The following MTF1 variants were observed in gnomAD, a reference collection of about 807,000 sequenced individuals.
The protein encoded by MTF1 is MRE-binding transcription factor.
Under a neutral mutation model 70.4 loss-of-function variants are expected in MTF1, and 22 were observed. The ratio of observed to expected loss-of-function variants is 0.31; its 90% CI spans 0.22 to 0.45. The LOEUF (loss-of-function observed/expected upper bound fraction) is 0.45. Ranked by LOEUF, MTF1 falls within the 20% of genes least tolerant of loss-of-function variation. The pLI is 1.00. For synonymous variants in MTF1, 333 were observed against 352.8 expected, an observed-to-expected ratio of 0.94 and a Z score of 0.63; for missense variants, 649 against 922.0, an observed-to-expected ratio of 0.70 and a Z score of 3.83.
chr1:37,818,867 C>T (rs1334274494), intron 9 of MTF1, among the ~76,000 whole-genome samples: 1 of 151,524 alleles, frequency 6.6e-6, no homozygotes, highest in Admixed American at 6.6e-5. Flanking sequence ...GTGGCGGGTG[C>T]CTGTAATCCC....
At chr1:37,827,813 G>T (rs964165125) in intron 7 of MTF1, among the ~76,000 whole-genome samples, 3 of 152,088 alleles carry the variant, frequency 2.0e-5, no homozygotes, top group Non-Finnish European at 4.4e-5. Context: ...AAGTATTTGC[G>T]GTTTTTGCCA....
chr1:37,838,797 C>CTTTTGTTTTTTTTTTTTTTTTT (rs1641209802), intron 3 of MTF1, 41 bp from the exon 4 acceptor site: 1 of 421,154 alleles, frequency 2.4e-6, no homozygotes. Flanking sequence ...TCATAAAATT[C>CTTTTGTTTTTTTTTTTTTTTTT]TTTTTTTTTT....
chr1:37,834,616 T>C (rs1016939115), intron 6 of MTF1: 1 of 456,154 alleles, frequency 2.2e-6, no homozygotes, highest in Non-Finnish European at 4.4e-6. Flanking sequence ...GGGGAAAAGG[T>C]CCTAAGAAGC....
intron 7 of MTF1, among the ~76,000 whole-genome samples, chr1:37,831,393 T>A (rs571879529): frequency 6.6e-6 from 1 of 152,328 alleles, no homozygotes; most frequent in South Asian, 2.1e-4. Context: ...TTCACAGCAT[T>A]CCTGAATCAT....
rs1641236127 is a variant in MTF1 at position 37,840,292 on chromosome 1, C to T, written c.409-134G>A. ...TTTCATCATAAACACAGAAAACAGC[C>T]TCTAGCAGCAAAGTGGAAAAACCTT... is the stretch of plus-strand genomic sequence containing the variant. On this transcript the variant is annotated intron_variant, in intron 2 of 10. Transcript: ENST00000373036. The surrounding 1 kb of genome is among the most constrained non-coding windows in gnomAD (Gnocchi z 4.5). 2.7e-6 allele frequency: 2 copies of T among 735,954 alleles called. No homozygotes were observed. The highest frequency in any genetic ancestry group is 4.6e-6 in the Non-Finnish European group (2 of 435,412). 45.6% of individuals were successfully genotyped at this position (735,954 alleles called of 1,614,324 possible). A position where few individuals can be genotyped will look rare whatever the true frequency, so the allele number is the denominator to read the frequency against.
intron 2 of MTF1, chr1:37,841,021 C>T: frequency 4.6e-6 from 1 of 218,536 alleles, no homozygotes; most frequent in Non-Finnish European, 9.2e-6. Flanking sequence ...TGGTCCAGGA[C>T]ATGAAGATCA....
Position 37,848,939 on chromosome 1 carries a change from G to T in MTF1, c.408+8312C>A, listed in dbSNP as rs569750312. Among the ~76,000 whole-genome samples the T allele has an allele frequency of 4.6e-5, 7 of 152,238 alleles. No individual in the cohort carries two copies. In the South Asian group the frequency reaches 1.4e-3, roughly 32 times the overall value. On this transcript the variant is annotated intron_variant, in intron 2 of 10. Transcript: ENST00000373036. The stretch of plus-strand genomic sequence containing the variant: ...CCACTGCCTGAGGAATTTATAATGA[G>T]GCATGAGATTGGAACTAGGTCTCCC...
rs745680625 is a variant in MTF1 at position 37,822,767 on chromosome 1, G to A, written c.1172-51C>T. On this transcript the variant is annotated intron_variant, in intron 8 of 10. Coordinates refer to ENST00000373036, the MANE Select transcript of MTF1 (RefSeq NM_005955.3). ...TATATACATATCCCAAGCCTTAGATGAGCCACAAAAACAGTCATTATGGGC... is the reference window on the plus strand; with the variant it reads ...TATATACATATCCCAAGCCTTAGATAAGCCACAAAAACAGTCATTATGGGC... The A allele has an allele frequency of 9.6e-6, 13 of 1,351,116 alleles. No individual in the cohort carries two copies. The East Asian group carries it at 3.0e-4, about 31-fold the overall frequency. 83.7% of individuals were successfully genotyped at this position (1,351,116 alleles called of 1,614,324 possible). A position where few individuals can be genotyped will look rare whatever the true frequency, so the allele number is the denominator to read the frequency against.
intron 9 of MTF1, among the ~76,000 whole-genome samples, chr1:37,818,219 T>C (rs536945067): frequency 1.3e-5 from 2 of 152,292 alleles, no homozygotes; most frequent in East Asian, 3.9e-4. Flanking sequence ...GGTGACTGGG[T>C]CATGAATGAA....
Position 37,825,313 on chromosome 1 carries a change from C to T in MTF1, c.1069-1501G>A, listed in dbSNP as rs150187560. ...GTGCAGTGGTATGATCATAGCTCCC[C>T]GCAGCCTTCAACTCCCGGGCTCAAG... On this transcript the variant is annotated intron_variant, in intron 7 of 10. Coordinates refer to ENST00000373036, the MANE Select transcript of MTF1 (RefSeq NM_005955.3). Among the ~76,000 whole-genome samples, 230 of 152,194 alleles carry T rather than the reference C, an allele frequency of 1.5e-3. 2 individuals carry two copies. Among genetic ancestry groups the T allele is most frequent in the African/African-American group, 5.2e-3 (214 of 41,524 alleles).
intron 2 of MTF1, among the ~76,000 whole-genome samples, chr1:37,845,517 G>C (rs1263758482): frequency 6.6e-6 from 1 of 152,132 alleles, no homozygotes; most frequent in African/African-American, 2.4e-5. Context: ...TTGACAGATT[G>C]ACTGATTGAA....
chr1:37,853,923 A>G (rs1325326248), intron 2 of MTF1, among the ~76,000 whole-genome samples: 3 of 152,232 alleles, frequency 2.0e-5, no homozygotes, highest in African/African-American at 7.2e-5. Context: ...TTGCTTTATA[A>G]ATGTTTGTTG....
In MTF1 at chr1:37,838,964, C is replaced by G. The variant is rs557120140; in HGVS notation, c.648-208G>C. On this transcript the variant is annotated intron_variant, in intron 3 of 10. Transcript: ENST00000373036. Reference sequence around the variant, plus strand: ...GGATTATGGGAGCCCACAACCACGCCTGGCTAATTTTTGTATTTTTAGTAC... The same window carrying G: ...GGATTATGGGAGCCCACAACCACGCGTGGCTAATTTTTGTATTTTTAGTAC... Among the ~76,000 whole-genome samples the G allele has an allele frequency of 3.3e-5, 5 of 151,850 alleles. 1 individual carries two copies. Among genetic ancestry groups the G allele is most frequent in the African/African-American group, 1.2e-4 (5 of 41,458 alleles).
At chr1:37,826,345 G>T (rs1569854620) in intron 7 of MTF1, among the ~76,000 whole-genome samples, 1 of 152,124 alleles carries the variant, frequency 6.6e-6, no homozygotes, top group East Asian at 1.9e-4. Context: ...GGAGTGCAGA[G>T]GCGCAGTCAA....
At chr1:37,833,149 C>A (rs751282159) in intron 6 of MTF1, among the ~76,000 whole-genome samples, 13 of 152,166 alleles carry the variant, frequency 8.5e-5, no homozygotes, top group Non-Finnish European at 1.8e-4. Context: ...CACAGGACCT[C>A]ATTTGCCATT....
At chr1:37,825,135 A>ATGCC (rs1199493230) in intron 7 of MTF1, among the ~76,000 whole-genome samples, 54 of 152,344 alleles carry the variant, frequency 3.5e-4, no homozygotes, top group African/African-American at 1.2e-3. Flanking sequence ...GGGTTGTGGC[A>ATGCC]TACTGGAGAG....
At chr1:37,832,183 C>A in intron 7 of MTF1, 62 bp downstream of exon 7, 2 of 1,109,176 alleles carry the variant, frequency 1.8e-6, no homozygotes, top group Non-Finnish European at 1.4e-6. Context: ...AATTTTCCCA[C>A]CAAAGGGAGT....
chr1:37,845,138 C>T (rs759667308), intron 2 of MTF1, among the ~76,000 whole-genome samples: 3 of 152,236 alleles, frequency 2.0e-5, no homozygotes, highest in African/African-American at 4.8e-5. Flanking sequence ...GGAGAAGTGG[C>T]GCTTGATTTA....
chr1:37,817,588 C>G, intron 9 of MTF1, 106 bp from the exon 10 acceptor site: 1 of 795,996 alleles, frequency 1.3e-6, no homozygotes, highest in Non-Finnish European at 2.2e-6. Flanking sequence ...GACAGAAAAC[C>G]CTTAGTGTTC....
Sources: gnomAD v4.1 joint callset for allele counts (sites outside exome capture counted in the v4.1 genomes callset) on GRCh38, gnomAD v4.1.1 for gene constraint, Gnocchi (gnomAD v3.1) non-coding constraint, MANE v1.5 for transcripts, NCBI Gene and HGNC (gene_info 2026-07-23, HGNC 2026-07-21) for gene names.